The following EBF3 variants were observed in gnomAD, a reference collection of about 807,000 sequenced individuals.
EBF3 encodes transcription factor COE3.
A neutral mutation model predicts 77.1 loss-of-function variants in EBF3; 18 were observed. That is an observed-to-expected ratio of 0.23 (90% CI 0.16 to 0.35). The LOEUF (loss-of-function observed/expected upper bound fraction) is 0.35, where lower values mean the gene tolerates loss of function less well. Ranked by LOEUF, EBF3 falls within the 10% of genes least tolerant of loss-of-function variation. The pLI, the probability that EBF3 is intolerant of heterozygous loss-of-function variation, is 1.00. For missense variants in EBF3, 558 were observed against 860.0 expected, an observed-to-expected ratio of 0.65 and a Z score of 4.39; for synonymous variants, 350 against 343.5, an observed-to-expected ratio of 1.02 and a Z score of -0.21.
intron 6 of EBF3, among the ~76,000 whole-genome samples, chr10:129,922,527 G>C (rs1856381565): frequency 6.6e-6 from 1 of 152,228 alleles, no homozygotes. Context: ...TGGGTTTAGG[G>C]GAGCTTTGTA....
chr10:129,910,313 G>A (rs1043649543), intron 6 of EBF3, among the ~76,000 whole-genome samples: 1 of 152,226 alleles, frequency 6.6e-6, no homozygotes, highest in African/African-American at 2.4e-5. Flanking sequence ...AACCGCATCT[G>A]TTGTCTTTAA....
chr10:129,927,921 C>T (rs1232600308), intron 6 of EBF3, among the ~76,000 whole-genome samples: 1 of 152,184 alleles, frequency 6.6e-6, no homozygotes, highest in African/African-American at 2.4e-5. Context: ...ATTTCCACCC[C>T]ACCGTCTGCA....
chr10:129,867,816 T>C lies in EBF3; in HGVS notation c.878A>G (p.Gln293Arg). ...IIGDNFFDGL[Q>R]VVFGTMLVWS... ...CACCAACATAGTTCCGAATACAACTTGCAGCCCGTCAAAGAAGTTGTCGCC... is the reference window on the plus strand; with the variant it reads ...CACCAACATAGTTCCGAATACAACTCGCAGCCCGTCAAAGAAGTTGTCGCC... Residue 293 changes from glutamine to arginine, a missense_variant, in exon 9 of 17, where the codon CAA becomes CGA. Gln to Arg is a conservative substitution (Grantham distance 43, BLOSUM62 1). Around this residue, in one of 5 missense-constraint regions of EBF3, gnomAD observed 112 missense variants for 207.7 expected, o/e 0.54. Transcript: ENST00000440978. The C allele has an allele frequency of 6.2e-7, 1 of 1,614,242 alleles. No individual in the cohort carries two copies. The highest frequency in any genetic ancestry group is 1.1e-5 in the South Asian group (1 of 91,092).
At chr10:129,887,456 T>A (rs1853690019) in intron 6 of EBF3, among the ~76,000 whole-genome samples, 1 of 152,294 alleles carries the variant, frequency 6.6e-6, no homozygotes, top group African/African-American at 2.4e-5. Context: ...TGCTTACAGT[T>A]AAGAGGCAAC....
At chr10:129,962,432 C>A (rs936595073) in intron 3 of EBF3, among the ~76,000 whole-genome samples, 2 of 152,096 alleles carry the variant, frequency 1.3e-5, no homozygotes, top group South Asian at 4.2e-4. Context: ...CCTTAAGGCT[C>A]TTAGGGCTTG....
At chr10:129,930,979 A>G (rs1419510126) in intron 6 of EBF3, among the ~76,000 whole-genome samples, 2 of 111,166 alleles carry the variant, frequency 1.8e-5, no homozygotes, top group Admixed American at 9.5e-5. Context: ...TCATATATCT[A>G]TATCTCTACA....
At chr10:129,890,422 C>T (rs896094470) in intron 6 of EBF3, among the ~76,000 whole-genome samples, 3 of 152,188 alleles carry the variant, frequency 2.0e-5, no homozygotes, top group Non-Finnish European at 4.4e-5. Flanking sequence ...GAGGGCAAAT[C>T]GGCAAAGATG....
intron 6 of EBF3, 131 bp downstream of exon 6, chr10:129,957,124 GACA>G: frequency 1.4e-6 from 1 of 712,332 alleles, no homozygotes; most frequent in South Asian, 2.2e-5. Flanking sequence ...AACACACGCG[GACA>G]ACAAATGGTG....
rs1457137934 is a variant in EBF3 at position 129,863,642 on chromosome 10, G to A, written c.1039+3499C>T. Among the ~76,000 whole-genome samples the A allele has an allele frequency of 1.3e-5, 2 of 152,214 alleles. No individual in the cohort carries two copies. The highest frequency in any genetic ancestry group is 2.9e-5 in the Non-Finnish European group (2 of 68,040). On this transcript the variant is annotated intron_variant, in intron 10 of 16. Coordinates refer to ENST00000440978, the MANE Select transcript of EBF3 (RefSeq NM_001375380.1). This position sits in a 1 kb window ranked among gnomAD's most constrained non-coding sequence, Gnocchi z 4.0. The stretch of plus-strand genomic sequence containing the variant: ...TGGGGGACACTGATGGGAACCAGAC[G>A]CCCAGGGGACGGTGCCTACGTCGTG...
At chr10:129,844,804 A>G (rs1028037164) in intron 11 of EBF3, among the ~76,000 whole-genome samples, 47 of 152,182 alleles carry the variant, frequency 3.1e-4, no homozygotes, top group African/African-American at 1.1e-3. Context: ...GGTATAATCA[A>G]TGAAAGGCCC....
Position 129,947,010 on chromosome 10 carries a change from A to C in EBF3, c.554+10248T>G, listed in dbSNP as rs1157649913. 1.3e-5 allele frequency among the ~76,000 whole-genome samples: 2 copies of C among 152,174 alleles called. No individual in the cohort carries two copies. The highest frequency in any genetic ancestry group is 4.8e-5 in the African/African-American group (2 of 41,450). On this transcript the variant is annotated intron_variant, in intron 6 of 16. Coordinates refer to ENST00000440978, the MANE Select transcript of EBF3 (RefSeq NM_001375380.1). This position sits in a 1 kb window ranked among gnomAD's most constrained non-coding sequence, Gnocchi z 4.5. ...TCTTGGTAACTGATGGCGGCTGCCC[A>C]GTGGCTGGATCGGGCCGATGACCTC...
chr10:129,935,957 A>G lies in EBF3; in HGVS notation c.554+21301T>C, dbSNP rs1048782446. 6.6e-6 allele frequency among the ~76,000 whole-genome samples: 1 copy of G among 151,370 alleles called. No homozygotes were observed. Among genetic ancestry groups the G allele is most frequent in the Non-Finnish European group, 1.5e-5 (1 of 67,980 alleles). On this transcript the variant is annotated intron_variant, in intron 6 of 16. Transcript: ENST00000440978. This position sits in a 1 kb window ranked among gnomAD's most constrained non-coding sequence, Gnocchi z 4.2. ...CAGGGCCCCTCCTCCACCATCATCC[A>G]TCGGGGGGCTTCCTGAAGCTGCCCC...
chr10:129,858,977 G>A (rs959971029), intron 10 of EBF3, among the ~76,000 whole-genome samples: 5 of 152,086 alleles, frequency 3.3e-5, no homozygotes, highest in African/African-American at 4.8e-5. Flanking sequence ...TATCTCAACG[G>A]GAGCTTCTCT....
chr10:129,902,359 G>C (rs923990423), intron 6 of EBF3, among the ~76,000 whole-genome samples: 6 of 151,962 alleles, frequency 3.9e-5, no homozygotes, highest in African/African-American at 1.5e-4. Context: ...AGAGTTGTGA[G>C]CCCATCTTCT....
Position 129,870,144 on chromosome 10 carries a change from G to A in EBF3, c.782-2232C>T, listed in dbSNP as rs1243046311. ...CTCGGAATTTGTAGTGCTTCTCAGC[G>A]GAAAGAAAACACGGGCCTGCCTTGG... On this transcript the variant is annotated intron_variant, in intron 8 of 16. Transcript: ENST00000440978. The surrounding 1 kb of genome is among the most constrained non-coding windows in gnomAD (Gnocchi z 4.4). Among the ~76,000 whole-genome samples, 2 of 152,102 alleles carry A rather than the reference G, an allele frequency of 1.3e-5. No homozygotes were observed. Among genetic ancestry groups the A allele is most frequent in the Non-Finnish European group, 1.5e-5 (1 of 68,026 alleles).
chr10:129,841,044 C>CCCCG lies in EBF3; in HGVS notation c.1373-13_1373-12insCGGG, dbSNP rs1554892393. 13 of 1,599,384 alleles carry CCCCG rather than the reference C, an allele frequency of 8.1e-6. No homozygotes were observed. In the East Asian group the frequency reaches 1.1e-4, roughly 14 times the overall value. On this transcript the variant is annotated splice_polypyrimidine_tract_variant and intron_variant, in intron 13 of 16. Coordinates refer to ENST00000440978, the MANE Select transcript of EBF3 (RefSeq NM_001375380.1). The surrounding 1 kb of genome is among the most constrained non-coding windows in gnomAD (Gnocchi z 4.6). Reference sequence around the variant, plus strand: ...GCGACTGTAGCCGACTGTTGAAATCCCCCCCCCGGCCAAAAATAACATTAT... The same window carrying CCCCG: ...GCGACTGTAGCCGACTGTTGAAATCCCCCGCCCCCCCGGCCAAAAATAACATTAT...
At chr10:129,920,262 C>CGGTCT (rs1293129752) in intron 6 of EBF3, among the ~76,000 whole-genome samples, 8 of 131,778 alleles carry the variant, frequency 6.1e-5, no homozygotes, top group East Asian at 2.5e-4. Context: ...CCCCGCTGTG[C>CGGTCT]AGTCTAGGGC....
intron 6 of EBF3, among the ~76,000 whole-genome samples, chr10:129,950,382 C>A (rs550447579): frequency 7.6e-4 from 115 of 152,208 alleles, no homozygotes; most frequent in Non-Finnish European, 1.4e-3. Flanking sequence ...GGAGAGGGAT[C>A]GTTTTCATTT....
chr10:129,894,517 C>A lies in EBF3; in HGVS notation c.555-16668G>T, dbSNP rs919808776. Among the ~76,000 whole-genome samples, 9 of 152,312 alleles carry A rather than the reference C, an allele frequency of 5.9e-5. No individual in the cohort carries two copies. In the South Asian group the frequency reaches 1.7e-3, roughly 28 times the overall value. ...CAGGGCTCGGTGACCTATGATCCAG[C>A]ACCTTGCCTCTGGGCCCCGCCTCTG... On this transcript the variant is annotated intron_variant, in intron 6 of 16. Transcript: ENST00000440978.
Sources: allele counts gnomAD v4.1 joint callset (sites outside exome capture counted in the v4.1 genomes callset), GRCh38; gene constraint gnomAD v4.1.1; regional missense constraint gnomAD v4.1.1; non-coding constraint Gnocchi (gnomAD v3.1); transcripts MANE v1.5; gene names NCBI Gene and HGNC (gene_info 2026-07-23, HGNC 2026-07-21).